Variants in SYNGR1 observed in about 807,000 individuals in gnomAD.
SYNGR1 encodes synaptogyrin 1.
Under a neutral mutation model 26.1 loss-of-function variants are expected in SYNGR1, and 14 were observed. The observed-to-expected ratio is 0.54, with a 90% CI of 0.35 to 0.84. The LOEUF (loss-of-function observed/expected upper bound fraction) is 0.84, where lower values mean the gene tolerates loss of function less well. Ranked by LOEUF, SYNGR1 falls within the 40% of genes least tolerant of loss-of-function variation. The probability of loss-of-function intolerance (pLI) is 0.01; values close to 1 mark genes in which losing one functional copy is unlikely to be tolerated. For missense variants in SYNGR1, 319 were observed against 332.9 expected (o/e 0.96, Z 0.33); for synonymous variants, 141 against 150.1 (o/e 0.94, Z 0.44).
intron 1 of SYNGR1, among the ~76,000 whole-genome samples, chr22:39,359,136 C>T (rs1049450703): frequency 2.0e-5 from 3 of 152,230 alleles, no homozygotes; most frequent in African/African-American, 7.2e-5. Context: ...TTGCTTCCTG[C>T]AGCCTGTTCA....
At chr22:39,360,575 C>T (rs563979299) in intron 1 of SYNGR1, among the ~76,000 whole-genome samples, 1 of 152,208 alleles carries the variant, frequency 6.6e-6, no homozygotes, top group African/African-American at 2.4e-5. Flanking sequence ...TGGACGCCCT[C>T]ACCCCGCTCG....
chr22:39,371,046 CCATGTAAACTATAGACATCTTA>C (rs1924995011), intron 1 of SYNGR1, among the ~76,000 whole-genome samples: 1 of 152,154 alleles, frequency 6.6e-6, no homozygotes, highest in Admixed American at 6.5e-5. Flanking sequence ...ATTATAAAAT[CCATGTAAACTATAGACATCTTA>C]CAGAGATAAG....
In SYNGR1 at chr22:39,350,104, T is replaced by G; in HGVS notation, c.94T>G (p.Ser32Ala). Residue 32 changes from serine (S) to alanine (A), a missense_variant, in exon 1 of 4, where the codon TCT becomes GCT. Transcript: ENST00000328933. The surrounding 1 kb of genome is among the most constrained non-coding windows in gnomAD (Gnocchi z 4.3). Reference protein sequence around the residue: ...RQPHTILRVVSWLFSIVVFGS... With the variant: ...RQPHTILRVVAWLFSIVVFGS... ...GCCGCACACCATCCTGCGCGTCGTGTCTTGGGTAAGGACGGACTGGCCGAC... is the reference window on the plus strand; with the variant it reads ...GCCGCACACCATCCTGCGCGTCGTGGCTTGGGTAAGGACGGACTGGCCGAC... The G allele has an allele frequency of 6.8e-7, 1 of 1,462,026 alleles. No homozygotes were observed. The highest frequency in any genetic ancestry group is 9.1e-7 in the Non-Finnish European group (1 of 1,094,080). 90.6% of individuals were successfully genotyped at this position (1,462,026 alleles called of 1,614,324 possible).
intron 1 of SYNGR1, among the ~76,000 whole-genome samples, chr22:39,353,151 C>A (rs575041550): frequency 6.6e-6 from 1 of 152,244 alleles, no homozygotes; most frequent in African/African-American, 2.4e-5. Flanking sequence ...CGTGAGCCAC[C>A]GCACCCGGCC....
intron 1 of SYNGR1, among the ~76,000 whole-genome samples, chr22:39,367,435 G>C (rs1001773528): frequency 1.3e-5 from 2 of 152,198 alleles, no homozygotes; most frequent in African/African-American, 4.8e-5. Flanking sequence ...GTGCAAAGGT[G>C]GGGAGGCAGG....
chr22:39,358,412 C>T (rs970077254), intron 1 of SYNGR1, among the ~76,000 whole-genome samples: 6 of 152,330 alleles, frequency 3.9e-5, no homozygotes, highest in African/African-American at 1.4e-4. Context: ...AGTTCCAAAG[C>T]TTTGTTCGTC....
Position 39,350,154 on chromosome 22 carries a change from G to A in SYNGR1, c.99+45G>A. The A allele has an allele frequency of 7.5e-7, 1 of 1,333,614 alleles. No homozygotes were observed. The highest frequency in any genetic ancestry group is 1.5e-5 in the South Asian group (1 of 65,798). The allele number at this position is 1,333,614 out of a possible 1,614,324, so 82.6% of individuals were successfully genotyped here. A position where few individuals can be genotyped will look rare whatever the true frequency, so the allele number is the denominator to read the frequency against. ...CGGCTCTGCCAGGCCGGGGTGGTGG[G>A]GGTGTGAGCAAAGGCGGCGCGCCCG... On this transcript the variant is annotated intron_variant, in intron 1 of 3. Coordinates refer to ENST00000328933, the MANE Select transcript of SYNGR1 (RefSeq NM_004711.5). The surrounding 1 kb of genome is among the most constrained non-coding windows in gnomAD (Gnocchi z 4.3).
chr22:39,354,504 C>T (rs1924058927), intron 1 of SYNGR1, among the ~76,000 whole-genome samples: 3 of 152,080 alleles, frequency 2.0e-5, no homozygotes, highest in Admixed American at 2.0e-4. Context: ...TATTCACCCC[C>T]TCCACTCCAC....
At chr22:39,357,636 C>G (rs1381537522) in intron 1 of SYNGR1, among the ~76,000 whole-genome samples, 1 of 137,078 alleles carries the variant, frequency 7.3e-6, no homozygotes. Context: ...TCGGAGCAGC[C>G]GGCCAGCCCT....
chr22:39,350,054 T>C lies in SYNGR1; in HGVS notation c.44T>C (p.Phe15Ser). ...AYGAGKAGGA[F>S]DPYTLVRQPH... The stretch of plus-strand genomic sequence containing the variant: ...GGAGCGGGCAAAGCCGGGGGCGCCT[T>C]CGACCCCTACACCCTGGTCCGGCAG... Residue 15 changes from phenylalanine (F) to serine (S), a missense_variant, in exon 1 of 4, where the codon TTC (phenylalanine) becomes TCC (serine). By Grantham distance (155) the Phe-to-Ser change is radical. Coordinates refer to ENST00000328933, the MANE Select transcript of SYNGR1 (RefSeq NM_004711.5). The surrounding 1 kb of genome is among the most constrained non-coding windows in gnomAD (Gnocchi z 4.3). 1 of 1,436,096 alleles carries C rather than the reference T, an allele frequency of 7.0e-7. No homozygotes were observed. The highest frequency in any genetic ancestry group is 9.3e-7 in the Non-Finnish European group (1 of 1,078,348). The allele number at this position is 1,436,096 out of a possible 1,614,324, so 89.0% of individuals were successfully genotyped here.
chr22:39,352,009 C>T (rs1923927614), intron 1 of SYNGR1, among the ~76,000 whole-genome samples: 1 of 152,238 alleles, frequency 6.6e-6, no homozygotes, highest in South Asian at 2.1e-4. Context: ...ACACAGCTAC[C>T]TAGCTGGTTC....
chr22:39,379,718 C>G (rs1351128347), intron 3 of SYNGR1: 2 of 152,058 alleles, frequency 1.3e-5, no homozygotes, highest in Non-Finnish European at 2.9e-5. Flanking sequence ...TATATTCACT[C>G]TCTACCTCTT....
In SYNGR1 at chr22:39,350,172, C is replaced by A. The variant is rs1923832413; in HGVS notation, c.99+63C>A. 2.5e-6 allele frequency: 3 copies of A among 1,188,614 alleles called. No individual in the cohort carries two copies. The highest frequency in any genetic ancestry group is 3.2e-6 in the Non-Finnish European group (3 of 929,820). 73.6% of individuals were successfully genotyped at this position (1,188,614 alleles called of 1,614,324 possible). A position where few individuals can be genotyped will look rare whatever the true frequency, so the allele number is the denominator to read the frequency against. ...GTGGTGGGGGTGTGAGCAAAGGCGG[C>A]GCGCCCGGACCGACCCCGACCCCGA... On this transcript the variant is annotated intron_variant, in intron 1 of 3. Transcript: ENST00000328933. This position sits in a 1 kb window ranked among gnomAD's most constrained non-coding sequence, Gnocchi z 4.3.
rs541963693 is a variant in SYNGR1, at chr22:39,362,808, G to A, written c.100-11508G>A. ...CAGCCAAGGACGCTCAGGAGGGGAT[G>A]ATTCTCCTTTCTACCCCCCGTGCTG... On this transcript the variant is annotated intron_variant, in intron 1 of 3. Transcript: ENST00000328933. 2.4e-4 allele frequency among the ~76,000 whole-genome samples: 36 copies of A among 152,190 alleles called. 1 individual carries two copies. In the East Asian group the frequency reaches 2.7e-3, roughly 12 times the overall value.
At position 39,381,746 on chromosome 22, in the gene SYNGR1, G is replaced by A. The variant is rs768378603; in HGVS notation, c.534G>A (p.Ser178=). ...AFQRYQIGAD[S]ALFSQDYMDP... is the part of the protein sequence containing the mutation. The stretch of plus-strand genomic sequence containing the variant: ...AGCGGTACCAGATTGGCGCCGACTC[G>A]GCCCTCTTCTCCCAGGACTACATGG... Residue 178 remains serine, a synonymous_variant, in exon 4 of 4, where the codon TCG becomes TCA. Coordinates refer to ENST00000328933, the MANE Select transcript of SYNGR1 (RefSeq NM_004711.5). 1.4e-5 allele frequency: 23 copies of A among 1,613,228 alleles called. No individual in the cohort carries two copies. Among genetic ancestry groups the A allele is most frequent in the South Asian group, 4.4e-5 (4 of 91,082 alleles).
Position 39,350,111 on chromosome 22 carries a change from T to C in SYNGR1, c.99+2T>C. The C allele has an allele frequency of 1.4e-6, 2 of 1,447,246 alleles. No individual in the cohort carries two copies. The highest frequency in any genetic ancestry group is 1.8e-6 in the Non-Finnish European group (2 of 1,085,710). 89.7% of individuals were successfully genotyped at this position (1,447,246 alleles called of 1,614,324 possible). ...ACCATCCTGCGCGTCGTGTCTTGGG[T>C]AAGGACGGACTGGCCGACGGCTCTG... On this transcript the variant is annotated splice_donor_variant, in intron 1 of 3. Coordinates refer to ENST00000328933, the MANE Select transcript of SYNGR1 (RefSeq NM_004711.5). LOFTEE classifies it high-confidence loss of function. This position sits in a 1 kb window ranked among gnomAD's most constrained non-coding sequence, Gnocchi z 4.3.
intron 1 of SYNGR1, among the ~76,000 whole-genome samples, chr22:39,366,606 C>T (rs1924770640): frequency 6.6e-6 from 1 of 151,920 alleles, no homozygotes; most frequent in Non-Finnish European, 1.5e-5. Context: ...AGATTGCGCC[C>T]CTGCACTCCA....
At position 39,385,020 on chromosome 22, in the gene SYNGR1, CTCCA is replaced by C. The variant is rs1381232908; in HGVS notation, c.*3110_*3113del. The C allele has an allele frequency of 5.0e-6, 2 of 398,786 alleles. No homozygotes were observed. Among genetic ancestry groups the C allele is most frequent in the Non-Finnish European group, 8.8e-6 (2 of 226,128 alleles). 24.7% of individuals were successfully genotyped at this position (398,786 alleles called of 1,614,324 possible). ...CCAGGGGACTGACGTTAGTTCCCTA[CTCCA>C]TCCTTCCCTGGTGATTCTTGATCTT... On this transcript the variant is annotated 3_prime_UTR_variant, in exon 4 of 4. Coordinates refer to ENST00000328933, the MANE Select transcript of SYNGR1 (RefSeq NM_004711.5).
chr22:39,373,138 T>C (rs953204441), intron 1 of SYNGR1, among the ~76,000 whole-genome samples: 6 of 146,410 alleles, frequency 4.1e-5, no homozygotes, highest in Admixed American at 2.7e-4. Context: ...TTCTATTTAA[T>C]ACACACACAC....
Sources: gnomAD v4.1 joint callset for allele counts (sites outside exome capture counted in the v4.1 genomes callset) on GRCh38, gnomAD v4.1.1 for gene constraint, Gnocchi (gnomAD v3.1) non-coding constraint, MANE v1.5 for transcripts, NCBI Gene and HGNC (gene_info 2026-07-23, HGNC 2026-07-21) for gene names.